Variants in MMS22L observed in about 807,000 individuals in gnomAD.
MMS22L encodes MMS22 like, DNA repair protein.
In MMS22L, 74 loss-of-function variants were observed where a neutral mutation model predicts 159.1. The ratio of observed to expected loss-of-function variants is 0.47; its 90% CI spans 0.39 to 0.56. The LOEUF (loss-of-function observed/expected upper bound fraction) is 0.56. Ranked by LOEUF, MMS22L falls within the 20% of genes least tolerant of loss-of-function variation. The pLI is 0.00. For synonymous variants in MMS22L, 517 were observed against 506.9 expected (o/e 1.02, Z -0.27); for missense variants, 1,351 against 1,422.1 (o/e 0.95, Z 0.80).
intron 22 of MMS22L, among the ~76,000 whole-genome samples, chr6:97,161,702 G>T (rs1802455579): frequency 6.6e-6 from 1 of 151,908 alleles, no homozygotes; most frequent in Non-Finnish European, 1.5e-5. Flanking sequence ...AAGTCAAATT[G>T]AACAAATATT....
chr6:97,203,716 C>T (rs1322426328), intron 14 of MMS22L, among the ~76,000 whole-genome samples: 3 of 152,166 alleles, frequency 2.0e-5, no homozygotes, highest in East Asian at 1.9e-4. Flanking sequence ...ACCTAATCTA[C>T]CCAGAGCTGG....
chr6:97,172,577 G>A (rs1803657126), intron 19 of MMS22L, among the ~76,000 whole-genome samples: 1 of 152,086 alleles, frequency 6.6e-6, no homozygotes. Flanking sequence ...CATAGAAAAT[G>A]ATTTCTTTTT....
At position 97,201,326 on chromosome 6, in the gene MMS22L, C is replaced by T. The variant is rs192884075; in HGVS notation, c.2040-14636G>A. ...AGAGCTTGTTCCTATAATTCATGAT[C>T]TTTCAGAACATGTGGTTACGTTAGG... On this transcript the variant is annotated intron_variant, in intron 14 of 24. Transcript: ENST00000683635. Among the ~76,000 whole-genome samples, 29 of 152,228 alleles carry T rather than the reference C, an allele frequency of 1.9e-4. No homozygotes were observed. The East Asian group carries it at 5.6e-3, about 29-fold the overall frequency.
intron 17 of MMS22L, 96 bp downstream of exon 17, chr6:97,179,312 T>G (rs1804447541): frequency 9.5e-7 from 1 of 1,052,196 alleles, no homozygotes; most frequent in African/African-American, 1.6e-5. Context: ...ACGAATATTT[T>G]GTATATTTTC....
chr6:97,189,580 GAATA>G (rs1161637711), intron 14 of MMS22L, among the ~76,000 whole-genome samples: 17 of 60,182 alleles, frequency 2.8e-4, no homozygotes, highest in African/African-American at 9.7e-4. Context: ...AAAAAAAAAA[GAATA>G]ATTAATTAAA....
chr6:97,268,104 GTTT>G (rs1463130501), intron 7 of MMS22L, 102 bp from the exon 8 acceptor site: 2 of 794,024 alleles, frequency 2.5e-6, no homozygotes, highest in Non-Finnish European at 3.5e-6. Flanking sequence ...AAAACATACA[GTTT>G]TTAATTTTTT....
rs554632666 is a variant in MMS22L, at chr6:97,186,035, T to C, written c.2233+462A>G. ...ATTAAGTAAAAATTACAACTTAAAG[T>C]AGAATCTAGTAGAAGTCAGAACAAT... On this transcript the variant is annotated intron_variant, in intron 15 of 24. Coordinates refer to ENST00000683635, the MANE Select transcript of MMS22L (RefSeq NM_001350599.2). Among the ~76,000 whole-genome samples the C allele has an allele frequency of 4.6e-4, 70 of 152,232 alleles. 2 individuals are homozygous for C. Among genetic ancestry groups the C allele is most frequent in the South Asian group, 3.5e-3 (17 of 4,824 alleles).
intron 14 of MMS22L, among the ~76,000 whole-genome samples, chr6:97,223,801 C>T (rs1020989841): frequency 6.6e-6 from 1 of 152,092 alleles, no homozygotes; most frequent in Non-Finnish European, 1.5e-5. Flanking sequence ...ATAAAATGAA[C>T]CTATCCAAGT....
At position 97,246,752 on chromosome 6, in the gene MMS22L, T is replaced by C. The variant is rs1812688199; in HGVS notation, c.1120-62A>G. 5 of 1,194,094 alleles carry C rather than the reference T, an allele frequency of 4.2e-6. No individual in the cohort carries two copies. In the African/African-American group the frequency reaches 4.5e-5, roughly 11 times the overall value. The allele number at this position is 1,194,094 out of a possible 1,614,324, so 74.0% of individuals were successfully genotyped here. A position where few individuals can be genotyped will look rare whatever the true frequency, so the allele number is the denominator to read the frequency against. On this transcript the variant is annotated intron_variant, in intron 10 of 24. Transcript: ENST00000683635. ...TCTTGATTATGCCTATATTTAAAAT[T>C]AGGGTATAGCAAATTAAGTGTGCAG...
At chr6:97,274,172 G>C (rs951755062) in intron 4 of MMS22L, among the ~76,000 whole-genome samples, 1 of 152,108 alleles carries the variant, frequency 6.6e-6, no homozygotes, top group African/African-American at 2.4e-5. Flanking sequence ...AAGAAAACAT[G>C]ATGAGAATTA....
At chr6:97,204,647 G>C (rs570764056) in intron 14 of MMS22L, among the ~76,000 whole-genome samples, 2 of 151,818 alleles carry the variant, frequency 1.3e-5, no homozygotes, top group African/African-American at 4.8e-5. Context: ...GCGGGGGTAG[G>C]GGGTGGGCAT....
intron 20 of MMS22L, among the ~76,000 whole-genome samples, chr6:97,166,939 T>G (rs1227421623): frequency 6.6e-6 from 1 of 152,120 alleles, no homozygotes; most frequent in Admixed American, 6.6e-5. Context: ...GAATAAAAAT[T>G]AGAGGGAAAA....
At chr6:97,270,511 T>C (rs1815621957) in intron 6 of MMS22L, 3 of 280,280 alleles carry the variant, frequency 1.1e-5, no homozygotes, top group South Asian at 9.9e-5. Flanking sequence ...TCAAACTCAA[T>C]TCTACCTGAG....
At chr6:97,269,207 A>G (rs1458127501) in intron 7 of MMS22L, among the ~76,000 whole-genome samples, 1 of 152,184 alleles carries the variant, frequency 6.6e-6, no homozygotes, top group East Asian at 1.9e-4. Flanking sequence ...AGATAAAAAA[A>G]AGCCATTTCA....
rs60458103 is a variant in MMS22L, at chr6:97,173,185, G to C, written c.2717C>G (p.Ser906Cys). Reference protein sequence around the residue: ...GVTYGNVQTLSDKSAMVTKSL... With the variant: ...GVTYGNVQTLCDKSAMVTKSL... The stretch of plus-strand genomic sequence containing the variant: ...CTTTGTGACCATGGCAGATTTATCA[G>C]AAAGTGTCTGGACGTTCCCGTAAGT... The change falls in exon 19 of 25, where the codon TCT becomes TGT. Residue 906 changes from serine (S) to cysteine (C), a missense_variant. Transcript: ENST00000683635. The C allele has an allele frequency of 6.2e-7, 1 of 1,613,612 alleles. No homozygotes were observed. The highest frequency in any genetic ancestry group is 8.5e-7 in the Non-Finnish European group (1 of 1,179,794).
At chr6:97,269,819 A>C in intron 7 of MMS22L, 83 bp downstream of exon 7, 1 of 955,616 alleles carries the variant, frequency 1.0e-6, no homozygotes, top group Non-Finnish European at 1.6e-6. Context: ...TAAATATCAG[A>C]AAGCACTTAT....
intron 22 of MMS22L, among the ~76,000 whole-genome samples, chr6:97,154,387 T>C (rs1801624251): frequency 1.3e-5 from 2 of 152,186 alleles, no homozygotes. Flanking sequence ...ACAAGTATTT[T>C]TTCCCATTTT....
At chr6:97,202,885 T>C (rs959278834) in intron 14 of MMS22L, among the ~76,000 whole-genome samples, 1 of 152,206 alleles carries the variant, frequency 6.6e-6, no homozygotes, top group Non-Finnish European at 1.5e-5. Context: ...ATACTACTAA[T>C]CAAGGGATGA....
chr6:97,217,467 C>A (rs1289168703), intron 14 of MMS22L, among the ~76,000 whole-genome samples: 1 of 152,088 alleles, frequency 6.6e-6, no homozygotes, highest in Non-Finnish European at 1.5e-5. Context: ...GTCGGCCAGG[C>A]TGGTCTCAAA....
Sources: gnomAD v4.1 joint callset for allele counts (sites outside exome capture counted in the v4.1 genomes callset) on GRCh38, gnomAD v4.1.1 for gene constraint, MANE v1.5 for transcripts, NCBI Gene and HGNC (gene_info 2026-07-23, HGNC 2026-07-21) for gene names.